The following VWA3B variants were observed in gnomAD, a reference collection of about 807,000 sequenced individuals.
VWA3B encodes von Willebrand factor A domain-containing protein 3B.
VWA3B carries 138 observed loss-of-function variants against 158.3 expected under a neutral mutation model. That is an observed-to-expected ratio of 0.87 (90% CI 0.76 to 1.00). The LOEUF is 1.00. VWA3B is among the 50% of genes least tolerant of loss of function. The probability of loss-of-function intolerance (pLI) is 0.00; values close to 1 mark genes in which losing one functional copy is unlikely to be tolerated. For synonymous variants in VWA3B, 596 were observed against 587.3 expected (o/e 1.01, Z -0.21); for missense variants, 1,555 against 1,565.1 (o/e 0.99, Z 0.11).
intron 19 of VWA3B, among the ~76,000 whole-genome samples, chr2:98,248,117 T>C (rs1398307512): frequency 6.6e-6 from 1 of 152,094 alleles, no homozygotes; most frequent in East Asian, 1.9e-4. Context: ...TGGTTTTTTT[T>C]CCCATCCATT....
chr2:98,312,257 A>G lies in VWA3B; in HGVS notation c.3793A>G (p.Ile1265Val), dbSNP rs1690955062. 2 of 1,614,094 alleles carry G rather than the reference A, an allele frequency of 1.2e-6. No individual in the cohort carries two copies. The highest frequency in any genetic ancestry group is 1.7e-6 in the Non-Finnish European group (2 of 1,180,004). The change falls in exon 28 of 28, where the codon ATT (isoleucine) becomes GTT (valine). Residue 1265 changes from isoleucine (I) to valine (V), a missense_variant. Physicochemically the swap from Ile to Val is conservative, Grantham distance 29. Transcript: ENST00000477737. ...GRLGLSSHAI[I>V]ATPPPRAALP... ...TCTAGGACTCAGCAGCCACGCCATC[A>G]TTGCCACACCTCCACCTCGAGCAGC...
At chr2:98,189,927 T>G (rs1210686330) in intron 10 of VWA3B, among the ~76,000 whole-genome samples, 1 of 152,226 alleles carries the variant, frequency 6.6e-6, no homozygotes, top group Non-Finnish European at 1.5e-5. Context: ...TTTACTTGTC[T>G]GCATCCTGTA....
chr2:98,147,845 C>A (rs1184944763), intron 7 of VWA3B, among the ~76,000 whole-genome samples: 2 of 149,086 alleles, frequency 1.3e-5, no homozygotes, highest in Non-Finnish European at 3.0e-5. Context: ...TGCTATCACT[C>A]CCCCCTCCCC....
intron 23 of VWA3B, among the ~76,000 whole-genome samples, chr2:98,296,822 A>G (rs186241023): frequency 3.5e-4 from 53 of 152,232 alleles, no homozygotes; most frequent in Non-Finnish European, 2.9e-4. Flanking sequence ...TACAAAAAAT[A>G]TACATCTTAA....
At chr2:98,277,269 C>G (rs1190659533) in intron 22 of VWA3B, among the ~76,000 whole-genome samples, 1 of 152,104 alleles carries the variant, frequency 6.6e-6, no homozygotes, top group Non-Finnish European at 1.5e-5. Flanking sequence ...TCCCTAGCAC[C>G]CCTCATGTTA....
At position 98,148,510 on chromosome 2, in the gene VWA3B, A is replaced by G. The variant is rs180802520; in HGVS notation, c.989-14341A>G. 2.6e-3 allele frequency among the ~76,000 whole-genome samples: 394 copies of G among 152,228 alleles called. 2 individuals are homozygous for G. The highest frequency in any genetic ancestry group is 8.9e-3 in the African/African-American group (370 of 41,522). On this transcript the variant is annotated intron_variant, in intron 7 of 27. Transcript: ENST00000477737. Reference sequence around the variant, plus strand: ...TTCCTTTTCATTTTGGCTGTTTTTTATAGGCAACCATAAAATTTGCACAGT... The same window carrying G: ...TTCCTTTTCATTTTGGCTGTTTTTTGTAGGCAACCATAAAATTTGCACAGT...
chr2:98,228,070 C>G, intron 14 of VWA3B, 132 bp from the exon 15 acceptor site: 1 of 1,007,770 alleles, frequency 9.9e-7, no homozygotes, highest in Non-Finnish European at 1.4e-6. Flanking sequence ...GAGAGGATCA[C>G]TTGAGCCCAG....
intron 22 of VWA3B, among the ~76,000 whole-genome samples, chr2:98,287,099 T>A (rs894205609): frequency 2.0e-5 from 3 of 152,166 alleles, no homozygotes; most frequent in African/African-American, 4.8e-5. Context: ...GGTGTGAGAA[T>A]GGAGAATAAA....
intron 7 of VWA3B, among the ~76,000 whole-genome samples, chr2:98,139,525 A>G (rs1033267104): frequency 1.1e-4 from 16 of 152,044 alleles, no homozygotes; most frequent in African/African-American, 2.7e-4. Flanking sequence ...AAATACACCA[A>G]TCGGCACTCT....
At chr2:98,303,873 G>A in intron 26 of VWA3B, 71 bp downstream of exon 26, 21 of 1,436,774 alleles carry the variant, frequency 1.5e-5, no homozygotes, top group Non-Finnish European at 1.9e-5. Context: ...TTTTTGAGAT[G>A]AGATCCATGA....
At chr2:98,256,937 T>C (rs2105827582) in intron 21 of VWA3B, among the ~76,000 whole-genome samples, 1 of 152,334 alleles carries the variant, frequency 6.6e-6, no homozygotes, top group South Asian at 2.1e-4. Context: ...ATTATCCCTT[T>C]GTGTTGGGAA....
At position 98,221,925 on chromosome 2, in the gene VWA3B, C is replaced by T. The variant is rs74717323; in HGVS notation, c.2019+3897C>T. On this transcript the variant is annotated intron_variant, in intron 14 of 27. Transcript: ENST00000477737. Reference sequence around the variant, plus strand: ...ACGAAGCTGAGCCTCTACAAAGACCCATTATCAATGAAAGTGAAAAAAGAA... The same window carrying T: ...ACGAAGCTGAGCCTCTACAAAGACCTATTATCAATGAAAGTGAAAAAAGAA... 1.5e-3 allele frequency among the ~76,000 whole-genome samples: 233 copies of T among 152,252 alleles called. 4 individuals are homozygous for T. In the East Asian group the frequency reaches 0.035, roughly 23 times the overall value.
At chr2:98,105,485 A>G (rs939123045) in intron 2 of VWA3B, among the ~76,000 whole-genome samples, 1 of 152,212 alleles carries the variant, frequency 6.6e-6, no homozygotes, top group Admixed American at 6.5e-5. Flanking sequence ...AGAACTGTTT[A>G]TCACCACAAA....
At chr2:98,180,173 C>G (rs983017733) in intron 8 of VWA3B, among the ~76,000 whole-genome samples, 1 of 138,616 alleles carries the variant, frequency 7.2e-6, no homozygotes, top group Non-Finnish European at 1.5e-5. Flanking sequence ...TCTTCTCTCT[C>G]TCTCTTTCTT....
At chr2:98,096,932 A>G (rs2104830077) in intron 2 of VWA3B, among the ~76,000 whole-genome samples, 1 of 152,242 alleles carries the variant, frequency 6.6e-6, no homozygotes, top group African/African-American at 2.4e-5. Context: ...AAGGTAAGGT[A>G]AAACATTGGG....
intron 12 of VWA3B, among the ~76,000 whole-genome samples, chr2:98,200,331 A>C (rs1682425186): frequency 6.6e-6 from 1 of 152,156 alleles, no homozygotes; most frequent in Non-Finnish European, 1.5e-5. Flanking sequence ...TCATGAGGTC[A>C]GGAGTTCAAG....
intron 22 of VWA3B, among the ~76,000 whole-genome samples, chr2:98,287,190 C>A (rs903710428): frequency 6.6e-6 from 1 of 152,152 alleles, no homozygotes; most frequent in East Asian, 1.9e-4. Flanking sequence ...TAGGATTCTC[C>A]TAGAGCTCTC....
At chr2:98,179,850 TTTTC>T (rs373593341) in intron 8 of VWA3B, among the ~76,000 whole-genome samples, 7 of 141,824 alleles carry the variant, frequency 4.9e-5, no homozygotes, top group East Asian at 2.2e-4. Context: ...CTTTCTCTCT[TTTTC>T]TTTCTTTCTT....
intron 19 of VWA3B, among the ~76,000 whole-genome samples, chr2:98,248,403 T>C (rs1686536083): frequency 6.6e-6 from 1 of 152,180 alleles, no homozygotes; most frequent in Admixed American, 6.5e-5. Flanking sequence ...TCTCCTTCTA[T>C]TTGGCAGTTG....
Sources: gnomAD v4.1 joint callset for allele counts (sites outside exome capture counted in the v4.1 genomes callset) on GRCh38, gnomAD v4.1.1 for gene constraint, MANE v1.5 for transcripts, NCBI Gene and HGNC (gene_info 2026-07-23, HGNC 2026-07-21) for gene names.